The following PSD3 variants were observed in gnomAD, a reference collection of about 807,000 sequenced individuals.
PSD3 encodes pleckstrin and Sec7 domain containing 3, also known as PH and SEC7 domain-containing protein 3.
In PSD3, 49 loss-of-function variants were observed where a neutral mutation model predicts 105.5. The observed-to-expected ratio is 0.46, with a 90% confidence interval of 0.37 to 0.59. PSD3 has a LOEUF of 0.59. Ranked by LOEUF, PSD3 falls within the 20% of genes least tolerant of loss-of-function variation. PSD3 has a pLI of 0.00. For synonymous variants in PSD3, 557 were observed against 457.8 expected, an observed-to-expected ratio of 1.22 and a Z score of -2.77; for missense variants, 1,561 against 1,263.8, an observed-to-expected ratio of 1.24 and a Z score of -3.57.
intron 12 of PSD3, among the ~76,000 whole-genome samples, chr8:18,581,915 T>C (rs1455698273): frequency 1.3e-5 from 2 of 152,130 alleles, no homozygotes; most frequent in Non-Finnish European, 2.9e-5. Context: ...ATTAAGGAAG[T>C]GGCCAGAAAG....
chr8:18,616,640 T>TTTTTTTTTC (rs1805699359), intron 11 of PSD3, among the ~76,000 whole-genome samples: 1 of 142,592 alleles, frequency 7.0e-6, no homozygotes, highest in African/African-American at 2.6e-5. Context: ...TTTTTTTTTT[T>TTTTTTTTTC]TGAGACGGAG....
chr8:19,061,109 T>A (rs1414573814), intron 1 of PSD3, among the ~76,000 whole-genome samples: 1 of 152,092 alleles, frequency 6.6e-6, no homozygotes, highest in Non-Finnish European at 1.5e-5. Flanking sequence ...TTGTGCCTCA[T>A]TTATCCTCAC....
chr8:18,752,483 T>TATATATATA (rs1161415209), intron 9 of PSD3, among the ~76,000 whole-genome samples: 22 of 37,234 alleles, frequency 5.9e-4, no homozygotes, highest in African/African-American at 1.4e-3. Context: ...TATATATTAT[T>TATATATATA]ATATATATAA....
intron 11 of PSD3, among the ~76,000 whole-genome samples, chr8:18,619,183 C>A (rs1484106393): frequency 6.6e-6 from 1 of 152,044 alleles, no homozygotes; most frequent in Non-Finnish European, 1.5e-5. Flanking sequence ...CAAAAGAAAC[C>A]TAAAAAACTG....
At chr8:18,670,365 A>G (rs913978048) in intron 9 of PSD3, among the ~76,000 whole-genome samples, 4 of 152,186 alleles carry the variant, frequency 2.6e-5, no homozygotes. Flanking sequence ...GGTGACCACT[A>G]GAGGATTTTA....
chr8:18,874,006 G>A (rs1420583888), intron 2 of PSD3, among the ~76,000 whole-genome samples: 2 of 152,158 alleles, frequency 1.3e-5, no homozygotes, highest in Non-Finnish European at 2.9e-5. Context: ...ACAGATAGCA[G>A]CTGTAGTCCT....
At chr8:18,543,362 C>A (rs1800257075) in intron 15 of PSD3, among the ~76,000 whole-genome samples, 1 of 152,168 alleles carries the variant, frequency 6.6e-6, no homozygotes, top group African/African-American at 2.4e-5. Flanking sequence ...CACCTGTAAT[C>A]CCAGCACTTT....
intron 1 of PSD3, among the ~76,000 whole-genome samples, chr8:19,033,001 T>C (rs1229292131): frequency 6.6e-6 from 1 of 151,988 alleles, no homozygotes; most frequent in Non-Finnish European, 1.5e-5. Flanking sequence ...TAATCCCTAC[T>C]TGGGAAGCGG....
intron 4 of PSD3, among the ~76,000 whole-genome samples, chr8:18,851,828 A>C (rs1312846888): frequency 6.6e-6 from 1 of 152,232 alleles, no homozygotes; most frequent in Non-Finnish European, 1.5e-5. Context: ...ATAGACTAGA[A>C]ACTGACAGTG....
intron 10 of PSD3, among the ~76,000 whole-genome samples, chr8:18,647,385 A>C (rs368545000): frequency 6.6e-6 from 1 of 152,354 alleles, no homozygotes; most frequent in African/African-American, 2.4e-5. Context: ...ACTTATTAGC[A>C]AATACAGCAA....
At chr8:18,573,859 T>C (rs940667060) in intron 13 of PSD3, among the ~76,000 whole-genome samples, 3 of 152,146 alleles carry the variant, frequency 2.0e-5, no homozygotes, top group Admixed American at 1.3e-4. Context: ...CAAAACTAGA[T>C]TGTGGTGATG....
intron 9 of PSD3, among the ~76,000 whole-genome samples, chr8:18,744,750 G>A (rs1209948504): frequency 6.6e-6 from 1 of 152,102 alleles, no homozygotes; most frequent in Admixed American, 6.5e-5. Context: ...AGTATTAACT[G>A]AACTATACAC....
chr8:19,065,608 G>A (rs1010334785), intron 1 of PSD3, among the ~76,000 whole-genome samples: 1 of 152,136 alleles, frequency 6.6e-6, no homozygotes, highest in Non-Finnish European at 1.5e-5. Context: ...TATTACAAAG[G>A]GTATTACAAC....
intron 4 of PSD3, among the ~76,000 whole-genome samples, chr8:18,807,408 T>C (rs1290742775): frequency 2.0e-5 from 3 of 152,156 alleles, no homozygotes; most frequent in Non-Finnish European, 4.4e-5. Context: ...GCCCTTGAAA[T>C]GAAGCTCTAA....
chr8:18,727,068 T>C (rs1019828736), intron 9 of PSD3, among the ~76,000 whole-genome samples: 1 of 152,010 alleles, frequency 6.6e-6, no homozygotes, highest in Non-Finnish European at 1.5e-5. Context: ...CCAGGCGCAG[T>C]GGCTCACGCC....
intron 10 of PSD3, among the ~76,000 whole-genome samples, chr8:18,650,037 G>A (rs569119877): frequency 7.2e-5 from 11 of 152,314 alleles, no homozygotes; most frequent in African/African-American, 2.6e-4. Flanking sequence ...AGCAGTGCAA[G>A]AACAGACTAA....
chr8:19,074,611 A>ATATATATATATATTT (rs1324257417), intron 1 of PSD3, among the ~76,000 whole-genome samples: 9 of 24,214 alleles, frequency 3.7e-4, no homozygotes, highest in African/African-American at 1.1e-3. Context: ...ATATATATAT[A>ATATATATATATATTT]TTTTTTTTTT....
At chr8:18,827,355 C>A (rs766527195) in intron 4 of PSD3, among the ~76,000 whole-genome samples, 2 of 152,116 alleles carry the variant, frequency 1.3e-5, no homozygotes, top group Non-Finnish European at 2.9e-5. Context: ...AAGACAGAGA[C>A]GTGTAAGACT....
At chr8:18,937,922 A>C (rs148515238) in intron 1 of PSD3, among the ~76,000 whole-genome samples, 1 of 152,212 alleles carries the variant, frequency 6.6e-6, no homozygotes, top group East Asian at 1.9e-4. Flanking sequence ...GGCCATACGC[A>C]TGGCCTTAAG....
Sources: gnomAD v4.1 joint callset for allele counts (sites outside exome capture counted in the v4.1 genomes callset) on GRCh38, gnomAD v4.1.1 for gene constraint, MANE v1.5 for transcripts, NCBI Gene and HGNC (gene_info 2026-07-23, HGNC 2026-07-21) for gene names.